OR1J2: variants seen among roughly 807,000 people sequenced by gnomAD.
OR1J2 encodes the protein olfactory receptor 1J2.
For synonymous variants in OR1J2, 142 were observed against 99.7 expected, an observed-to-expected ratio of 1.42 and a Z score of -2.52; for missense variants, 304 against 246.1, an observed-to-expected ratio of 1.24 and a Z score of -1.57.
At chr9:122,464,726 A>G in the OR1J2 span, among the ~76,000 whole-genome samples, 3 of 152,194 alleles carry the variant, frequency 2.0e-5, no homozygotes, top group Non-Finnish European at 2.9e-5. Context: ...CTAAGCTTCC[A>G]TGGATCATCT....
chr9:122,487,569 GAA>G, the OR1J2 span, among the ~76,000 whole-genome samples: 2 of 152,086 alleles, frequency 1.3e-5, no homozygotes, highest in Non-Finnish European at 2.9e-5. Flanking sequence ...TCCTTGGTAT[GAA>G]CCAATCATTC....
the OR1J2 span, among the ~76,000 whole-genome samples, chr9:122,504,563 T>A: frequency 6.6e-6 from 1 of 152,156 alleles, no homozygotes; most frequent in East Asian, 1.9e-4. Context: ...GTAAGAGGTG[T>A]GAGATATAAT....
At chr9:122,476,056 A>C in the OR1J2 span, among the ~76,000 whole-genome samples, 2 of 152,154 alleles carry the variant, frequency 1.3e-5, no homozygotes, top group Admixed American at 1.3e-4. Context: ...TTTTGTCAGA[A>C]TTAAGTTAGA....
At chr9:122,526,547 G>A in the OR1J2 span, 14 of 1,611,656 alleles carry the variant, frequency 8.7e-6, no homozygotes, top group Middle Eastern at 3.3e-4. Context: ...GGGTCCCATA[G>A]AACACACAAA....
At chr9:122,495,420 A>C in the OR1J2 span, among the ~76,000 whole-genome samples, 7 of 152,150 alleles carry the variant, frequency 4.6e-5, no homozygotes, top group East Asian at 9.7e-4. Context: ...AGATTGAGTT[A>C]ATTCAAAAGC....
the OR1J2 span, among the ~76,000 whole-genome samples, chr9:122,578,954 AT>A: frequency 1.4e-5 from 2 of 141,624 alleles, no homozygotes; most frequent in Non-Finnish European, 3.0e-5. Flanking sequence ...ATTAAAAAAA[AT>A]TCTGAAAAAT....
the OR1J2 span, chr9:122,554,016 T>G: frequency 6.2e-7 from 1 of 1,613,882 alleles, no homozygotes; most frequent in Admixed American, 1.7e-5. Context: ...TCCATCAACT[T>G]ACTCTACAGA....
At chr9:122,547,620 AGTGT>A in the OR1J2 span, among the ~76,000 whole-genome samples, 5,752 of 142,918 alleles carry the variant, frequency 0.04, 113 homozygotes, top group African/African-American at 0.046. Context: ...GTAGTAGTTC[AGTGT>A]GTGTGTGTGT....
the OR1J2 span, among the ~76,000 whole-genome samples, chr9:122,552,751 T>TGA: frequency 1.6e-3 from 97 of 59,592 alleles, no homozygotes; most frequent in African/African-American, 5.7e-3. Flanking sequence ...AGGGCTTGAG[T>TGA]GTGTGTGTGT....
chr9:122,533,220 G>A, the OR1J2 span, among the ~76,000 whole-genome samples: 1 of 152,288 alleles, frequency 6.6e-6, no homozygotes, highest in African/African-American at 2.4e-5. Context: ...CAATTTGGTT[G>A]ATAAGGTGCA....
At chr9:122,454,628 T>A in the OR1J2 span, among the ~76,000 whole-genome samples, 1 of 152,196 alleles carries the variant, frequency 6.6e-6, no homozygotes, top group South Asian at 2.1e-4. Flanking sequence ...ACATCTCTGG[T>A]TCAGCTATCC....
chr9:122,560,587 G>T, the OR1J2 span, among the ~76,000 whole-genome samples: 1 of 152,088 alleles, frequency 6.6e-6, no homozygotes, highest in Non-Finnish European at 1.5e-5. Flanking sequence ...TACTTATGAA[G>T]CTTAGTTTGG....
At chr9:122,555,494 G>A in the OR1J2 span, among the ~76,000 whole-genome samples, 5 of 152,158 alleles carry the variant, frequency 3.3e-5, no homozygotes, top group African/African-American at 9.7e-5. Context: ...GGCAAGTTTT[G>A]TGTTTGTGAA....
chr9:122,487,205 G>A, the OR1J2 span, among the ~76,000 whole-genome samples: 96,861 of 152,034 alleles, frequency 0.64, 32,555 homozygotes, highest in African/African-American at 0.86. Flanking sequence ...GAAATTGCAT[G>A]TAGGTATGTT....
At chr9:122,466,852 C>T in the OR1J2 span, among the ~76,000 whole-genome samples, 6 of 151,892 alleles carry the variant, frequency 4.0e-5, no homozygotes, top group African/African-American at 1.5e-4. Context: ...GAGTTTCTCT[C>T]TTATCTCCCA....
chr9:122,575,749 T>C, the OR1J2 span, among the ~76,000 whole-genome samples: 59,825 of 152,030 alleles, frequency 0.39, 12,292 homozygotes, highest in African/African-American at 0.43. Flanking sequence ...CAGTTACTTT[T>C]TTGTGATAAC....
the OR1J2 span, among the ~76,000 whole-genome samples, chr9:122,493,974 A>G: frequency 3.3e-5 from 5 of 152,180 alleles, no homozygotes; most frequent in Non-Finnish European, 5.9e-5. Flanking sequence ...TTTAATTTCC[A>G]TATATTTGCA....
the OR1J2 span, among the ~76,000 whole-genome samples, chr9:122,571,366 A>C: frequency 6.6e-6 from 1 of 151,992 alleles, no homozygotes; most frequent in Non-Finnish European, 1.5e-5. Context: ...CCTGGCCAAC[A>C]CGGTTAAATC....
the OR1J2 span, among the ~76,000 whole-genome samples, chr9:122,570,277 C>G: frequency 1.3e-5 from 2 of 151,988 alleles, no homozygotes; most frequent in Non-Finnish European, 2.9e-5. Context: ...AATGGTTGAA[C>G]TAGTTTACAG....
Sources: gnomAD v4.1 joint callset for allele counts (sites outside exome capture counted in the v4.1 genomes callset) on GRCh38, gnomAD v4.1.1 for gene constraint, MANE v1.5 for transcripts, NCBI Gene and HGNC (gene_info 2026-07-23, HGNC 2026-07-21) for gene names.